GET1: variants seen among roughly 807,000 people sequenced by gnomAD.
The protein encoded by GET1 is congenital heart disease 5 protein.
Under a neutral mutation model 22.6 loss-of-function variants are expected in GET1, and 20 were observed. The ratio of observed to expected loss-of-function variants is 0.89; its 90% CI spans 0.62 to 1.29. GET1 has a LOEUF of 1.29. Ranked by LOEUF, GET1 falls within the 50% of genes most tolerant of loss-of-function variation. The pLI, the probability that GET1 is intolerant of heterozygous loss-of-function variation, is 0.00. For missense variants in GET1, 209 were observed against 219.9 expected (o/e 0.95, Z 0.31); for synonymous variants, 92 against 83.8 (o/e 1.10, Z -0.53).
At chr21:39,414,740 C>CTGTG (rs796818060) in intron 1 of GET1, among the ~76,000 whole-genome samples, 3,858 of 103,862 alleles carry the variant, frequency 0.037, 79 homozygotes, top group Middle Eastern at 0.065. Flanking sequence ...CTCTCTCTCT[C>CTGTG]TCTGTGTGTG....
At chr21:39,393,847 A>G (rs1569040627) in intron 4 of GET1, among the ~76,000 whole-genome samples, 1 of 152,002 alleles carries the variant, frequency 6.6e-6, no homozygotes, top group Non-Finnish European at 1.5e-5. Context: ...ACAGCGTTTC[A>G]CCATGTTGGC....
At chr21:39,417,840 A>T (rs2041526616) in intron 1 of GET1, among the ~76,000 whole-genome samples, 1 of 152,094 alleles carries the variant, frequency 6.6e-6, no homozygotes, top group African/African-American at 2.4e-5. Flanking sequence ...ATCTCCGCTC[A>T]CTGCAAGCTC....
chr21:39,423,553 A>T, intron 1 of GET1: 3 of 1,360,046 alleles, frequency 2.2e-6, no homozygotes, highest in Non-Finnish European at 2.0e-6. Flanking sequence ...ATATGCACAT[A>T]TGCATAATCT....
At chr21:39,406,750 A>G (rs2039127497), downstream of GET1, 1 of 650,196 alleles carries the variant, frequency 1.5e-6, no homozygotes, top group Non-Finnish European at 2.6e-6. Context: ...ATAGATGCAT[A>G]GACAAAAGAT....
intron 1 of GET1, among the ~76,000 whole-genome samples, chr21:39,382,157 C>T (rs751064849): frequency 1.3e-5 from 2 of 150,944 alleles, no homozygotes; most frequent in Non-Finnish European, 3.0e-5. Context: ...CAGGTTCAAG[C>T]GATTCTCCTG....
intron 1 of GET1, among the ~76,000 whole-genome samples, chr21:39,384,327 G>C (rs2037748269): frequency 6.6e-6 from 1 of 151,800 alleles, no homozygotes; most frequent in African/African-American, 2.4e-5. Flanking sequence ...CGCTATCTCG[G>C]CTCACTGCAA....
chr21:39,396,397 G>A (rs1167102080), intron 4 of GET1, among the ~76,000 whole-genome samples: 2 of 152,070 alleles, frequency 1.3e-5, no homozygotes, highest in Non-Finnish European at 2.9e-5. Flanking sequence ...GTGCGGTGGC[G>A]GGCGCCTGTA....
Position 39,380,335 on chromosome 21 carries a change from G to A in GET1, c.-50G>A, listed in dbSNP as rs540164525. 1.6e-5 allele frequency: 25 copies of A among 1,554,794 alleles called. No homozygotes were observed. In the African/African-American group the frequency reaches 3.0e-4, roughly 19 times the overall value. On this transcript the variant is annotated 5_prime_UTR_variant, in exon 1 of 5. Coordinates refer to ENST00000649170, the MANE Select transcript of GET1 (RefSeq NM_004627.6). The stretch of plus-strand genomic sequence containing the variant: ...AGGCGCGGTCGCCGCTGTTGTTGTG[G>A]TCCCCATGGAGCTGCCGTAGCGGAC...
chr21:39,399,854 T>C (rs140438632), downstream of GET1, among the ~76,000 whole-genome samples: 1,146 of 152,278 alleles, frequency 7.5e-3, 6 homozygotes, highest in Non-Finnish European at 0.012. Context: ...TTGTCATAAA[T>C]TTATGGTAAA....
chr21:39,416,450 C>T (rs927716710), intron 1 of GET1, among the ~76,000 whole-genome samples: 1 of 152,150 alleles, frequency 6.6e-6, no homozygotes, highest in Non-Finnish European at 1.5e-5. Flanking sequence ...TATGACAATA[C>T]GTTCCAGGTT....
chr21:39,395,639 C>A (rs1190216040), intron 4 of GET1, among the ~76,000 whole-genome samples: 2 of 152,240 alleles, frequency 1.3e-5, no homozygotes, highest in Admixed American at 6.5e-5. Flanking sequence ...GCTGGGATTA[C>A]AGGTGTGAGC....
At chr21:39,399,655 G>C (rs2038790880), downstream of GET1, among the ~76,000 whole-genome samples, 1 of 152,024 alleles carries the variant, frequency 6.6e-6, no homozygotes, top group African/African-American at 2.4e-5. Context: ...TGGCCGGGCT[G>C]GTCTTGAACT....
At chr21:39,422,828 C>G in intron 1 of GET1, 1 of 749,882 alleles carries the variant, frequency 1.3e-6, no homozygotes, top group Non-Finnish European at 2.2e-6. Context: ...TCTGTGCCCT[C>G]TATTAGACAA....
chr21:39,412,797 C>T (rs934350212), intron 1 of GET1, among the ~76,000 whole-genome samples: 9 of 152,064 alleles, frequency 5.9e-5, no homozygotes, highest in Non-Finnish European at 1.3e-4. Flanking sequence ...CCTCCCCCGC[C>T]GCCCCATTCA....
downstream of GET1, among the ~76,000 whole-genome samples, chr21:39,402,666 G>T (rs771812753): frequency 1.3e-5 from 2 of 152,140 alleles, no homozygotes; most frequent in Non-Finnish European, 2.9e-5. Context: ...TCTATAGTTG[G>T]TACAGCATTT....
chr21:39,397,144 A>G lies in GET1; in HGVS notation c.*205A>G. On this transcript the variant is annotated 3_prime_UTR_variant, in exon 5 of 5. Transcript: ENST00000649170. ...ACCTGTCATTGAGCCAAGAAAGTCC[A>G]GTTTATGACACGTATGTACTAGTGA... The G allele has an allele frequency of 1.7e-6, 1 of 600,366 alleles. No individual in the cohort carries two copies. Among genetic ancestry groups the G allele is most frequent in the Non-Finnish European group, 2.9e-6 (1 of 342,326 alleles). 37.2% of individuals were successfully genotyped at this position (600,366 alleles called of 1,614,324 possible).
intron 1 of GET1, chr21:39,380,728 C>A: frequency 8.1e-7 from 1 of 1,228,360 alleles, no homozygotes; most frequent in Non-Finnish European, 1.0e-6. Context: ...ACTCTTCTGG[C>A]TGTGGGTGGC....
chr21:39,380,742 G>C (rs2037505144), intron 1 of GET1: 2 of 1,203,510 alleles, frequency 1.7e-6, no homozygotes, highest in Non-Finnish European at 2.1e-6. Context: ...GGGTGGCGGC[G>C]GCGAACCTCA....
At chr21:39,422,955 C>T (rs1378773371) in intron 1 of GET1, 1 of 1,608,972 alleles carries the variant, frequency 6.2e-7, no homozygotes, top group Non-Finnish European at 8.5e-7. Context: ...CTTAAACTGT[C>T]TGGGCCCCTG....
Sources: allele counts gnomAD v4.1 joint callset (sites outside exome capture counted in the v4.1 genomes callset), GRCh38; gene constraint gnomAD v4.1.1; transcripts MANE v1.5; gene names NCBI Gene and HGNC (gene_info 2026-07-23, HGNC 2026-07-21).